Variants in EBF1 observed in about 807,000 individuals in gnomAD.
EBF1 encodes the protein transcription factor COE1.
EBF1 carries 10 observed loss-of-function variants against 68.4 expected under a neutral mutation model. The ratio of observed to expected loss-of-function variants is 0.15; its 90% CI spans 0.09 to 0.25. EBF1 has a LOEUF of 0.25. Ranked by LOEUF, EBF1 falls within the 10% of genes least tolerant of loss-of-function variation. The pLI, the probability that EBF1 is intolerant of heterozygous loss-of-function variation, is 1.00. For missense variants in EBF1, 509 were observed against 794.4 expected (o/e 0.64, Z 4.32); for synonymous variants, 298 against 299.8 (o/e 0.99, Z 0.06).
At chr5:158,879,345 G>C (rs996299911) in intron 6 of EBF1, among the ~76,000 whole-genome samples, 2 of 152,168 alleles carry the variant, frequency 1.3e-5, no homozygotes, top group African/African-American at 4.8e-5. Context: ...GAGTACATGC[G>C]TCAAGATGGG....
intron 6 of EBF1, among the ~76,000 whole-genome samples, chr5:158,952,010 G>T (rs898446455): frequency 6.6e-6 from 1 of 152,148 alleles, no homozygotes; most frequent in African/African-American, 2.4e-5. Flanking sequence ...GCACTCAGGA[G>T]TTTTTCATCC....
At chr5:158,750,137 T>C (rs1768480105) in intron 10 of EBF1, among the ~76,000 whole-genome samples, 1 of 152,074 alleles carries the variant, frequency 6.6e-6, no homozygotes, top group African/African-American at 2.4e-5. Context: ...ACAAAAACAT[T>C]GAAAGAGAAA....
intron 4 of EBF1, among the ~76,000 whole-genome samples, chr5:159,086,081 T>A (rs899356090): frequency 1.3e-5 from 2 of 152,276 alleles, no homozygotes; most frequent in African/African-American, 4.8e-5. Flanking sequence ...ATTTTAAAAA[T>A]TTTTTTACTT....
chr5:158,733,391 T>G (rs1383794210), intron 10 of EBF1, among the ~76,000 whole-genome samples: 2 of 152,216 alleles, frequency 1.3e-5, no homozygotes, highest in Non-Finnish European at 1.5e-5. Context: ...TGAATTCCTA[T>G]TGTGTCTAGA....
chr5:158,827,312 G>A (rs182697665), intron 7 of EBF1, among the ~76,000 whole-genome samples: 3 of 152,230 alleles, frequency 2.0e-5, no homozygotes, highest in Admixed American at 6.5e-5. Context: ...CAACACAAAC[G>A]TACAATTTTA....
intron 9 of EBF1, among the ~76,000 whole-genome samples, chr5:158,789,645 C>A (rs1778188401): frequency 6.6e-6 from 1 of 152,088 alleles, no homozygotes; most frequent in Non-Finnish European, 1.5e-5. Flanking sequence ...GACAAGCCAC[C>A]CTACCACTGT....
intron 6 of EBF1, among the ~76,000 whole-genome samples, chr5:158,890,315 C>T (rs1033157343): frequency 6.6e-6 from 1 of 152,214 alleles, no homozygotes; most frequent in Non-Finnish European, 1.5e-5. Context: ...TGCTTTCCTA[C>T]AAAGAATGTC....
intron 10 of EBF1, among the ~76,000 whole-genome samples, chr5:158,769,367 G>A (rs1046979841): frequency 2.0e-5 from 3 of 151,944 alleles, no homozygotes; most frequent in African/African-American, 4.8e-5. Context: ...ATAAGGCCTC[G>A]TGGCCATTTA....
At chr5:158,789,653 T>C (rs1278082311) in intron 9 of EBF1, among the ~76,000 whole-genome samples, 1 of 152,176 alleles carries the variant, frequency 6.6e-6, no homozygotes, top group Non-Finnish European at 1.5e-5. Context: ...ACCCTACCAC[T>C]GTGAAGTCTC....
chr5:158,958,341 C>G (rs977229596), intron 6 of EBF1, among the ~76,000 whole-genome samples: 2 of 152,164 alleles, frequency 1.3e-5, no homozygotes, highest in African/African-American at 4.8e-5. Flanking sequence ...GTGACCCACT[C>G]CTGTTAATCC....
At chr5:159,037,765 C>A (rs1460367799) in intron 6 of EBF1, among the ~76,000 whole-genome samples, 1 of 151,262 alleles carries the variant, frequency 6.6e-6, no homozygotes. Flanking sequence ...ATGTAACTAA[C>A]CTGCACAATG....
At chr5:158,882,675 T>G (rs10054046) in intron 6 of EBF1, among the ~76,000 whole-genome samples, 1 of 152,148 alleles carries the variant, frequency 6.6e-6, no homozygotes, top group Non-Finnish European at 1.5e-5. Flanking sequence ...AAAGTAATGG[T>G]CAACAACTCA....
chr5:158,773,868 A>G (rs73297913), intron 10 of EBF1, among the ~76,000 whole-genome samples: 1,872 of 152,276 alleles, frequency 0.012, 37 homozygotes, highest in African/African-American at 0.043. Flanking sequence ...TAATAAAGGT[A>G]TTAGGGAGAG....
intron 6 of EBF1, among the ~76,000 whole-genome samples, chr5:159,061,718 G>A (rs1038010604): frequency 6.6e-6 from 1 of 150,920 alleles, no homozygotes; most frequent in Non-Finnish European, 1.5e-5. Context: ...ACATCACAAT[G>A]AGATTGTTTT....
chr5:158,838,309 G>T (rs1178607309), intron 7 of EBF1, among the ~76,000 whole-genome samples: 2 of 151,996 alleles, frequency 1.3e-5, no homozygotes, highest in African/African-American at 4.8e-5. Context: ...AGCCGGGCAT[G>T]GTGGTGGGTG....
At chr5:158,767,488 C>T (rs1772977183) in intron 10 of EBF1, among the ~76,000 whole-genome samples, 1 of 152,052 alleles carries the variant, frequency 6.6e-6, no homozygotes, top group Admixed American at 6.6e-5. Context: ...GCTCTGGTAC[C>T]CTTCACCAGG....
chr5:158,929,478 A>G (rs1475143773), intron 6 of EBF1, among the ~76,000 whole-genome samples: 2 of 152,242 alleles, frequency 1.3e-5, no homozygotes, highest in Middle Eastern at 3.2e-3. Context: ...ACTTCTGAAC[A>G]AACTATATTT....
chr5:158,744,552 A>G (rs1336839396), intron 10 of EBF1, among the ~76,000 whole-genome samples: 1 of 152,230 alleles, frequency 6.6e-6, no homozygotes, highest in African/African-American at 2.4e-5. Flanking sequence ...ACACAGTTTC[A>G]GACAACTTGT....
At chr5:158,943,807 A>G (rs771366973) in intron 6 of EBF1, among the ~76,000 whole-genome samples, 64 of 152,218 alleles carry the variant, frequency 4.2e-4, no homozygotes, top group Non-Finnish European at 8.1e-4. Context: ...GAAATATTCT[A>G]TGCAGCACAA....
Sources: allele counts gnomAD v4.1 joint callset (sites outside exome capture counted in the v4.1 genomes callset), GRCh38; gene constraint gnomAD v4.1.1; transcripts MANE v1.5; gene names NCBI Gene and HGNC (gene_info 2026-07-23, HGNC 2026-07-21).